SGCE: variants seen among roughly 807,000 people sequenced by gnomAD.
The protein encoded by SGCE is sarcoglycan epsilon.
A neutral mutation model predicts 57.8 loss-of-function variants in SGCE; 26 were observed. That is an observed-to-expected ratio of 0.45 (90% confidence interval 0.33 to 0.62). The LOEUF is 0.62. Ranked by LOEUF, SGCE falls within the 20% of genes least tolerant of loss-of-function variation. The probability of loss-of-function intolerance (pLI) is 0.02; values close to 1 mark genes in which losing one functional copy is unlikely to be tolerated. For synonymous variants in SGCE, 183 were observed against 189.5 expected, an observed-to-expected ratio of 0.97 and a Z score of 0.28; for missense variants, 468 against 548.6, an observed-to-expected ratio of 0.85 and a Z score of 1.47.
chr7:94,623,182 GTTTTC>G (rs1186107197), intron 4 of SGCE, 138 bp downstream of exon 4: 9 of 573,584 alleles, frequency 1.6e-5, no homozygotes, highest in Non-Finnish European at 2.4e-5. Flanking sequence ...ATATTGCTTA[GTTTTC>G]TTTTCTATAT....
chr7:94,655,884 G>A, intron 1 of SGCE, 106 bp downstream of exon 1: 1 of 714,144 alleles, frequency 1.4e-6, no homozygotes, highest in Non-Finnish European at 2.5e-6. Flanking sequence ...CAGAAAGAGA[G>A]GCTGGTGCCC....
At chr7:94,630,148 A>C (rs1268711484) in intron 1 of SGCE, among the ~76,000 whole-genome samples, 1 of 152,010 alleles carries the variant, frequency 6.6e-6, no homozygotes. Flanking sequence ...TCTTTTTGGT[A>C]ATTTCTTTTT....
intron 1 of SGCE, among the ~76,000 whole-genome samples, chr7:94,655,220 C>T (rs1009710363): frequency 3.9e-5 from 6 of 152,120 alleles, no homozygotes; most frequent in Non-Finnish European, 7.3e-5. Context: ...TAATCGCCAC[C>T]AAAAGTCGGT....
intron 5 of SGCE, among the ~76,000 whole-genome samples, chr7:94,608,178 C>T (rs1301569881): frequency 1.3e-5 from 2 of 152,068 alleles, no homozygotes; most frequent in African/African-American, 4.8e-5. Flanking sequence ...ACCATCTCTA[C>T]TAAAAATACA....
In SGCE at chr7:94,628,208, G is replaced by A. The variant is rs138794751; in HGVS notation, c.384C>T (p.Ile128=). The change falls in exon 3 of 11, where the codon ATC becomes ATT. Residue 128 remains isoleucine, a synonymous_variant. Transcript: ENST00000648936. ...PTAENVGKPT[I]IEITAYNRRT... ...CTTTCTAGGTGTAAATTACCTCAAT[G>A]ATTGTTGGCTTCCCCACATTTTCAG... is the stretch of plus-strand genomic sequence containing the variant. The A allele has an allele frequency of 1.1e-5, 18 of 1,609,930 alleles. No homozygotes were observed. The highest frequency in any genetic ancestry group is 1.5e-5 in the Non-Finnish European group (18 of 1,177,580).
chr7:94,639,392 G>A, intron 1 of SGCE: 1 of 1,535,658 alleles, frequency 6.5e-7, no homozygotes, highest in South Asian at 1.2e-5. Flanking sequence ...TTGTTGGCCT[G>A]TCTGGTCTTC....
intron 1 of SGCE, among the ~76,000 whole-genome samples, chr7:94,654,335 T>C (rs1360043540): frequency 6.6e-6 from 1 of 152,214 alleles, no homozygotes; most frequent in Admixed American, 6.5e-5. Context: ...TTTTCATCTA[T>C]ACTGGTTTTA....
At chr7:94,596,461 G>C (rs542730868) in intron 9 of SGCE, among the ~76,000 whole-genome samples, 1 of 152,160 alleles carries the variant, frequency 6.6e-6, no homozygotes, top group Non-Finnish European at 1.5e-5. Context: ...AAATTCTACA[G>C]CACTGTTTGT....
intron 7 of SGCE, 85 bp from the exon 8 acceptor site, chr7:94,599,808 A>G (rs1798938759): frequency 2.0e-6 from 2 of 982,888 alleles, no homozygotes; most frequent in Non-Finnish European, 3.3e-6. Flanking sequence ...ATCTTGCATG[A>G]TGTGGAAATG....
Position 94,629,711 on chromosome 7 carries a change from G to C in SGCE, c.232+8C>G, listed in dbSNP as rs201070722. The C allele has an allele frequency of 6.2e-7, 1 of 1,610,362 alleles. No individual in the cohort carries two copies. Among genetic ancestry groups the C allele is most frequent in the African/African-American group, 1.3e-5 (1 of 74,760 alleles). On this transcript the variant is annotated splice_region_variant and intron_variant, in intron 2 of 10. Transcript: ENST00000648936. Reference sequence around the variant, plus strand: ...TTAACTGCTTTTTTTTCCTCACAAAGAACATACCAGGTTTTGGGTAAGGTG... The same window carrying C: ...TTAACTGCTTTTTTTTCCTCACAAACAACATACCAGGTTTTGGGTAAGGTG...
chr7:94,603,881 T>A (rs1312221405), intron 5 of SGCE, among the ~76,000 whole-genome samples: 1 of 152,098 alleles, frequency 6.6e-6, no homozygotes, highest in East Asian at 1.9e-4. Context: ...TTCACTTAAT[T>A]TTCTTGTAAT....
At chr7:94,644,652 T>C in intron 1 of SGCE, 1 of 1,286,434 alleles carries the variant, frequency 7.8e-7, no homozygotes, top group Non-Finnish European at 1.0e-6. Context: ...ACTTCATTTG[T>C]CTCTTTCATA....
chr7:94,655,882 G>T, intron 1 of SGCE, 108 bp downstream of exon 1: 1 of 710,002 alleles, frequency 1.4e-6, no homozygotes. Context: ...GACAGAAAGA[G>T]AGGCTGGTGC....
intron 5 of SGCE, among the ~76,000 whole-genome samples, chr7:94,611,505 C>A (rs1415193695): frequency 6.6e-6 from 1 of 151,834 alleles, no homozygotes; most frequent in Non-Finnish European, 1.5e-5. Flanking sequence ...GTGGGGGTGA[C>A]TTCTAATGGG....
chr7:94,585,374 T>G lies in SGCE; in HGVS notation c.*125A>C, dbSNP rs1796758997. 2 of 856,094 alleles carry G rather than the reference T, an allele frequency of 2.3e-6. No homozygotes were observed. The highest frequency in any genetic ancestry group is 4.0e-6 in the Non-Finnish European group (2 of 500,994). 53.0% of individuals were successfully genotyped at this position (856,094 alleles called of 1,614,324 possible). On this transcript the variant is annotated 3_prime_UTR_variant, in exon 11 of 11. Coordinates refer to ENST00000648936, the MANE Select transcript of SGCE (RefSeq NM_003919.3). ...TTATGTTGTATTATTTGGTATACAC[T>G]TAATACTGCCAACATGCATAACATA...
At chr7:94,592,380 G>T (rs187147341) in intron 9 of SGCE, among the ~76,000 whole-genome samples, 13 of 152,104 alleles carry the variant, frequency 8.5e-5, no homozygotes, top group African/African-American at 2.7e-4. Flanking sequence ...ATACAGGAGC[G>T]GGGGGTCGAC....
chr7:94,621,323 A>T (rs561578372), intron 4 of SGCE: 1 of 152,340 alleles, frequency 6.6e-6, no homozygotes, highest in South Asian at 2.1e-4. Flanking sequence ...CAGAGGAACA[A>T]GCACTGCCTG....
intron 3 of SGCE, 190 bp downstream of exon 3, chr7:94,628,012 C>A: frequency 1.9e-6 from 1 of 521,434 alleles, no homozygotes; most frequent in South Asian, 3.0e-5. Context: ...AAAGCTGAAA[C>A]AAAAACTTTA....
chr7:94,641,378 C>G (rs1806356092), intron 1 of SGCE, among the ~76,000 whole-genome samples: 1 of 152,120 alleles, frequency 6.6e-6, no homozygotes, highest in Non-Finnish European at 1.5e-5. Context: ...GCAAAAAGAT[C>G]AAATGATAGA....
Sources: gnomAD v4.1 joint callset for allele counts (sites outside exome capture counted in the v4.1 genomes callset) on GRCh38, gnomAD v4.1.1 for gene constraint, MANE v1.5 for transcripts, NCBI Gene and HGNC (gene_info 2026-07-23, HGNC 2026-07-21) for gene names.